The following PRKCH variants were observed in gnomAD, a reference collection of about 807,000 sequenced individuals.
PRKCH encodes the protein protein kinase C eta type.
A neutral mutation model predicts 82.5 loss-of-function variants in PRKCH; 28 were observed. The observed-to-expected ratio is 0.34, with a 90% CI of 0.25 to 0.47. The LOEUF (loss-of-function observed/expected upper bound fraction) is 0.47, where lower values mean the gene tolerates loss of function less well. PRKCH is among the 20% of genes least tolerant of loss of function. The pLI, the probability that PRKCH is intolerant of heterozygous loss-of-function variation, is 1.00. For synonymous variants in PRKCH, 322 were observed against 327.4 expected, an observed-to-expected ratio of 0.98 and a Z score of 0.18; for missense variants, 705 against 881.8, an observed-to-expected ratio of 0.80 and a Z score of 2.54.
chr14:61,237,819 C>T (rs1196392490), intron 1 of PRKCH, among the ~76,000 whole-genome samples: 1 of 152,296 alleles, frequency 6.6e-6, no homozygotes. Flanking sequence ...AAACTGTAAC[C>T]CAACCATCTT....
chr14:61,537,618 T>G (rs1164126332), intron 12 of PRKCH: 1 of 152,124 alleles, frequency 6.6e-6, no homozygotes, highest in Non-Finnish European at 1.5e-5. Flanking sequence ...TGCTGAATCA[T>G]CTCCAGCAAG....
intron 1 of PRKCH, among the ~76,000 whole-genome samples, chr14:61,328,256 CAAAAAAAA>C (rs71117811): frequency 4.0e-5 from 3 of 74,376 alleles, no homozygotes; most frequent in African/African-American, 1.8e-4. Flanking sequence ...GACTCCGTCT[CAAAAAAAA>C]AAAAAAAAAA....
chr14:61,467,007 G>A (rs762498557), intron 9 of PRKCH, among the ~76,000 whole-genome samples: 52 of 152,194 alleles, frequency 3.4e-4, no homozygotes, highest in Non-Finnish European at 8.8e-5. Context: ...TGTGCTCAGT[G>A]TACCTGCAGC....
At chr14:61,263,161 C>T (rs74645109) in intron 1 of PRKCH, among the ~76,000 whole-genome samples, 14,269 of 152,208 alleles carry the variant, frequency 0.094, 694 homozygotes, top group African/African-American at 0.12. Context: ...ATTTGATCCT[C>T]TCTCCCTCCC....
intron 1 of PRKCH, among the ~76,000 whole-genome samples, chr14:61,339,030 A>C (rs2045894722): frequency 6.6e-6 from 1 of 152,168 alleles, no homozygotes; most frequent in African/African-American, 2.4e-5. Flanking sequence ...AAAAGGAAGA[A>C]ACTGTCTGAG....
chr14:61,234,820 G>T (rs569439262), intron 1 of PRKCH, among the ~76,000 whole-genome samples: 1 of 152,244 alleles, frequency 6.6e-6, no homozygotes, highest in Admixed American at 6.5e-5. Context: ...AGCCCCTCAG[G>T]GCCATCAGCA....
intron 2 of PRKCH, among the ~76,000 whole-genome samples, chr14:61,413,132 G>A (rs1324813671): frequency 6.6e-6 from 1 of 152,006 alleles, no homozygotes; most frequent in Non-Finnish European, 1.5e-5. Context: ...CTTGACAAAC[G>A]TTTTGTATCT....
At chr14:61,366,996 C>T (rs555587448) in intron 1 of PRKCH, among the ~76,000 whole-genome samples, 19 of 152,130 alleles carry the variant, frequency 1.2e-4, no homozygotes, top group Non-Finnish European at 1.5e-5. Flanking sequence ...ACAAATACTT[C>T]GATGAGTAGG....
intron 1 of PRKCH, among the ~76,000 whole-genome samples, chr14:61,350,150 A>G (rs1375478499): frequency 6.6e-6 from 1 of 152,052 alleles, no homozygotes; most frequent in Non-Finnish European, 1.5e-5. Flanking sequence ...TTGCTTTTAT[A>G]TTTGCCCCCA....
At position 61,280,540 on chromosome 14, in the gene PRKCH, TG is replaced by T; in HGVS notation, c.-19+92874del. 3 of 1,611,884 alleles carry T rather than the reference TG, an allele frequency of 1.9e-6. No homozygotes were observed. Among genetic ancestry groups the T allele is most frequent in the Non-Finnish European group, 2.5e-6 (3 of 1,179,322 alleles). On this transcript the variant is annotated intron_variant, in intron 1 of 3. Transcript: ENST00000555185. The surrounding 1 kb of genome is among the most constrained non-coding windows in gnomAD (Gnocchi z 5.0). ...CAGCGGCGGGTTGCGGAACTTGACG[TG>T]GTAGTCGGTCCACCAGGCGATGCCG...
intron 1 of PRKCH, chr14:61,322,697 C>A: frequency 1.9e-6 from 1 of 525,620 alleles, no homozygotes; most frequent in Non-Finnish European, 3.3e-6. Context: ...TTCAGGACAG[C>A]GGCTTGGCCT....
At chr14:61,543,209 C>A (rs1442440919) in intron 12 of PRKCH, among the ~76,000 whole-genome samples, 1 of 152,186 alleles carries the variant, frequency 6.6e-6, no homozygotes, top group African/African-American at 2.4e-5. Context: ...CTTTACATGT[C>A]CCCTTAGAAC....
At chr14:61,326,027 A>C (rs979140557) in intron 1 of PRKCH, among the ~76,000 whole-genome samples, 4 of 152,226 alleles carry the variant, frequency 2.6e-5, no homozygotes, top group Admixed American at 6.5e-5. Context: ...AAAATGGTAA[A>C]TCATGTTGGA....
intron 9 of PRKCH, among the ~76,000 whole-genome samples, chr14:61,481,000 C>G (rs2140323836): frequency 6.6e-6 from 1 of 152,200 alleles, no homozygotes; most frequent in African/African-American, 2.4e-5. Context: ...AGCTTCCCCC[C>G]AAACCCCACC....
chr14:61,278,649 C>T (rs2045225476), intron 1 of PRKCH: 1 of 152,078 alleles, frequency 6.6e-6, no homozygotes, highest in Non-Finnish European at 1.5e-5. Flanking sequence ...TTTGTTTTTA[C>T]CAAATAAACT....
intron 10 of PRKCH, among the ~76,000 whole-genome samples, chr14:61,516,785 G>T (rs17098666): frequency 0.04 from 6,033 of 152,222 alleles, 394 homozygotes; most frequent in African/African-American, 0.14. Flanking sequence ...GCCCGTGATT[G>T]ACATTCTAGA....
intron 1 of PRKCH, among the ~76,000 whole-genome samples, chr14:61,264,773 T>C (rs749830074): frequency 2.6e-5 from 4 of 152,174 alleles, no homozygotes; most frequent in Non-Finnish European, 4.4e-5. Flanking sequence ...CAGGGCTCGC[T>C]GATTTCAAAG....
intron 1 of PRKCH, among the ~76,000 whole-genome samples, chr14:61,203,923 G>T (rs1374027819): frequency 6.6e-6 from 1 of 152,096 alleles, no homozygotes; most frequent in African/African-American, 2.4e-5. Context: ...CACACTTTCA[G>T]CATTAGCTGG....
In PRKCH at chr14:61,321,795, G is replaced by T. The variant is rs1469274081; in HGVS notation, c.-307G>T. On this transcript the variant is annotated 5_prime_UTR_variant, in exon 1 of 14. Transcript: ENST00000332981. This position sits in a 1 kb window ranked among gnomAD's most constrained non-coding sequence, Gnocchi z 4.1. ...GGGAGAGGAGCTGCCCGGCCCTGGA[G>T]AAGGGGCGAGTCCTGCGCGAGTCCC... The T allele has an allele frequency of 3.7e-6, 1 of 270,182 alleles. No individual in the cohort carries two copies. Among genetic ancestry groups the T allele is most frequent in the African/African-American group, 2.3e-5 (1 of 44,312 alleles). 16.7% of individuals were successfully genotyped at this position (270,182 alleles called of 1,614,324 possible).
Sources: gnomAD v4.1 joint callset for allele counts (sites outside exome capture counted in the v4.1 genomes callset) on GRCh38, gnomAD v4.1.1 for gene constraint, Gnocchi (gnomAD v3.1) non-coding constraint, MANE v1.5 for transcripts, NCBI Gene and HGNC (gene_info 2026-07-23, HGNC 2026-07-21) for gene names.